Variants in PLEKHA2 observed in about 807,000 individuals in gnomAD.
PLEKHA2 encodes the protein pleckstrin homology domain containing A2.
A neutral mutation model predicts 53.2 loss-of-function variants in PLEKHA2; 28 were observed. That is an observed-to-expected ratio of 0.53 (90% CI 0.39 to 0.72). The LOEUF (loss-of-function observed/expected upper bound fraction) is 0.72. Ranked by LOEUF, PLEKHA2 falls within the 30% of genes least tolerant of loss-of-function variation. The probability of loss-of-function intolerance (pLI) is 0.00; values close to 1 mark genes in which losing one functional copy is unlikely to be tolerated. For synonymous variants in PLEKHA2, 193 were observed against 196.4 expected (o/e 0.98, Z 0.14); for missense variants, 426 against 537.9 (o/e 0.79, Z 2.06).
At chr8:38,902,518 A>G (rs1833806711) in intron 1 of PLEKHA2, among the ~76,000 whole-genome samples, 1 of 152,168 alleles carries the variant, frequency 6.6e-6, no homozygotes, top group African/African-American at 2.4e-5. Flanking sequence ...AGAGCACCCC[A>G]CCAGAAAGCC....
At position 38,957,345 on chromosome 8, in the gene PLEKHA2, C is replaced by G. The variant is rs1251532602; in HGVS notation, c.796C>G (p.Leu266Val). 2.5e-5 allele frequency: 40 copies of G among 1,613,216 alleles called. No homozygotes were observed. The highest frequency in any genetic ancestry group is 3.2e-5 in the Non-Finnish European group (38 of 1,179,298). Reference sequence around the variant, plus strand: ...TAGTGATCTCTTAATGAGGGACAACCTGTTTGAAATAATAACAAGCTCCAG... The same window carrying G: ...TAGTGATCTCTTAATGAGGGACAACGTGTTTGAAATAATAACAAGCTCCAG... ...KSGDLLMRDN[L>V]FEIITSSRTF... is the part of the protein sequence containing the mutation. The change falls in exon 10 of 12, where the codon CTG becomes GTG. Residue 266 changes from leucine to valine, a missense_variant. Transcript: ENST00000617275.
intron 5 of PLEKHA2, among the ~76,000 whole-genome samples, chr8:38,949,315 A>T (rs111736870): frequency 2.6e-5 from 4 of 152,052 alleles, no homozygotes. Context: ...AGGAGGAGGA[A>T]ACAGGGCAAC....
chr8:38,972,448 G>A lies in PLEKHA2; in HGVS notation c.*2665G>A, dbSNP rs568665445. The A allele has an allele frequency of 6.6e-6, 1 of 152,278 alleles. No homozygotes were observed. Among genetic ancestry groups the A allele is most frequent in the African/African-American group, 2.4e-5 (1 of 41,538 alleles). 9.4% of individuals were successfully genotyped at this position (152,278 alleles called of 1,614,324 possible). On this transcript the variant is annotated 3_prime_UTR_variant, in exon 12 of 12. Transcript: ENST00000617275. The stretch of plus-strand genomic sequence containing the variant: ...GATCCTCCTGCCTTGGCCTCCTAAA[G>A]TGTTGGGATTACAGGTGTGAGCCAC...
chr8:38,916,669 T>C (rs1834068622), intron 1 of PLEKHA2, among the ~76,000 whole-genome samples: 1 of 152,254 alleles, frequency 6.6e-6, no homozygotes, highest in East Asian at 1.9e-4. Flanking sequence ...TTCATTCATC[T>C]GTTGATGGCC....
chr8:38,952,101 A>G, intron 6 of PLEKHA2, 65 bp from the exon 7 acceptor site: 3 of 1,544,460 alleles, frequency 1.9e-6, no homozygotes, highest in Non-Finnish European at 1.8e-6. Context: ...AGGCAGAGGG[A>G]GGTAGGTGGG....
chr8:38,968,646 C>T lies in PLEKHA2; in HGVS notation c.892C>T (p.Gln298Ter). ...GATTAAGGAGATTGGCGCAGCTGTC[C>T]AGGCCCTCAAGTGCCACCCCAGAGT... Reference protein sequence around the residue: ...SWIKEIGAAVQALKCHPRETS... With the variant: ...SWIKEIGAAV The change falls in exon 11 of 12, where the codon CAG becomes TAG. Residue 298 changes from glutamine (Q) to a stop codon, truncating the protein, a stop_gained. Coordinates refer to ENST00000617275, the MANE Select transcript of PLEKHA2 (RefSeq NM_021623.2). LOFTEE classifies it high-confidence loss of function. 6.2e-7 allele frequency: 1 copy of T among 1,614,022 alleles called. No individual in the cohort carries two copies. Among genetic ancestry groups the T allele is most frequent in the Non-Finnish European group, 8.5e-7 (1 of 1,179,894 alleles).
intron 2 of PLEKHA2, among the ~76,000 whole-genome samples, chr8:38,924,412 G>A (rs962310943): frequency 2.6e-5 from 4 of 152,152 alleles, no homozygotes; most frequent in Non-Finnish European, 4.4e-5. Context: ...TGTTCCCGCG[G>A]GGACTGTGAA....
intron 1 of PLEKHA2, among the ~76,000 whole-genome samples, chr8:38,912,837 G>A (rs1223739617): frequency 6.6e-6 from 1 of 152,184 alleles, no homozygotes; most frequent in African/African-American, 2.4e-5. Context: ...CCTGCAGCCA[G>A]TCCTTCCCCC....
intron 2 of PLEKHA2, among the ~76,000 whole-genome samples, chr8:38,928,843 G>A (rs1374323917): frequency 6.6e-6 from 1 of 152,188 alleles, no homozygotes; most frequent in Non-Finnish European, 1.5e-5. Context: ...ATCAGCAAGT[G>A]GACCTACAGG....
chr8:38,952,886 G>A (rs1294954111), intron 8 of PLEKHA2, among the ~76,000 whole-genome samples, 182 bp downstream of exon 8: 2 of 152,236 alleles, frequency 1.3e-5, no homozygotes, highest in African/African-American at 4.8e-5. Context: ...CCTCTCTGCA[G>A]TGAGCTGCTG....
intron 5 of PLEKHA2, among the ~76,000 whole-genome samples, chr8:38,949,549 C>T (rs1438634434): frequency 6.6e-6 from 1 of 152,200 alleles, no homozygotes; most frequent in African/African-American, 2.4e-5. Context: ...GGGTGGGCCA[C>T]CAATTTGCAA....
chr8:38,923,994 G>A (rs2129416823), intron 2 of PLEKHA2, among the ~76,000 whole-genome samples: 1 of 152,248 alleles, frequency 6.6e-6, no homozygotes, highest in Non-Finnish European at 1.5e-5. Flanking sequence ...TGGGATTACA[G>A]GCCTGCACCA....
chr8:38,958,592 A>T (rs1460114037), intron 10 of PLEKHA2, among the ~76,000 whole-genome samples: 4 of 152,152 alleles, frequency 2.6e-5, no homozygotes, highest in Non-Finnish European at 5.9e-5. Context: ...CCATTTGGAC[A>T]AGCACATACC....
chr8:38,957,033 AT>A (rs1284359388), intron 9 of PLEKHA2, among the ~76,000 whole-genome samples: 1 of 152,056 alleles, frequency 6.6e-6, no homozygotes, highest in Non-Finnish European at 1.5e-5. Flanking sequence ...GTGGGGTTGG[AT>A]ATTAGGCAGG....
chr8:38,939,870 G>A (rs1014230230), intron 3 of PLEKHA2, among the ~76,000 whole-genome samples: 1 of 152,118 alleles, frequency 6.6e-6, no homozygotes, highest in African/African-American at 2.4e-5. Flanking sequence ...AGGATCGCTT[G>A]AGGCCAGGAG....
chr8:38,956,655 C>T (rs568924945), intron 9 of PLEKHA2, among the ~76,000 whole-genome samples: 1 of 152,048 alleles, frequency 6.6e-6, no homozygotes, highest in African/African-American at 2.4e-5. Context: ...TAAAAATTAG[C>T]CAGGAGTGGT....
chr8:38,953,278 T>C lies in PLEKHA2; in HGVS notation c.703-19T>C, dbSNP rs776480052. 1.1e-5 allele frequency: 17 copies of C among 1,599,318 alleles called. No homozygotes were observed. The highest frequency in any genetic ancestry group is 1.2e-5 in the Non-Finnish European group (14 of 1,166,644). ...ACACAGACAGCCTCACTTACCTGTC[T>C]TTCTGTTCTTTCCACCAGGACCGAG... On this transcript the variant is annotated intron_variant, in intron 8 of 11. Transcript: ENST00000617275.
Position 38,950,836 on chromosome 8 carries a change from G to A in PLEKHA2, c.346-14G>A. ...GTTCTGTTCCCCATTGATTGTTGCT[G>A]CCGCTCACCCCAGGTTCCCAAAGGT... On this transcript the variant is annotated splice_polypyrimidine_tract_variant and intron_variant, in intron 5 of 11. Coordinates refer to ENST00000617275, the MANE Select transcript of PLEKHA2 (RefSeq NM_021623.2). 1 of 1,608,782 alleles carries A rather than the reference G, an allele frequency of 6.2e-7. No individual in the cohort carries two copies. The highest frequency in any genetic ancestry group is 8.5e-7 in the Non-Finnish European group (1 of 1,176,310).
At chr8:38,903,668 C>T (rs1354985460) in intron 1 of PLEKHA2, among the ~76,000 whole-genome samples, 1 of 152,178 alleles carries the variant, frequency 6.6e-6, no homozygotes, top group Non-Finnish European at 1.5e-5. Flanking sequence ...ACCCAAGCAG[C>T]GTTGGTCTCC....
Sources: gnomAD v4.1 joint callset for allele counts (sites outside exome capture counted in the v4.1 genomes callset) on GRCh38, gnomAD v4.1.1 for gene constraint, MANE v1.5 for transcripts, NCBI Gene and HGNC (gene_info 2026-07-23, HGNC 2026-07-21) for gene names.